The following HAPSTR1 variants were observed in gnomAD, a reference collection of about 807,000 sequenced individuals.
HAPSTR1 encodes HUWE1 associated protein modifying stress responses, also known as HUWE1-associated protein modifying stress responses 1.
the HAPSTR1 span, chr16:9,092,197 G>T: frequency 1.3e-6 from 2 of 1,585,666 alleles, no homozygotes; most frequent in African/African-American, 1.3e-5. Context: ...CCGCCGCGCA[G>T]CCCGAGCACA....
At chr16:9,117,072 T>C in the HAPSTR1 span, 1 of 979,752 alleles carries the variant, frequency 1.0e-6, no homozygotes, top group Non-Finnish European at 1.5e-6. Context: ...TAGGTATTTA[T>C]AGTAGATGCC....
chr16:9,117,445 G>A, the HAPSTR1 span: 1 of 153,690 alleles, frequency 6.5e-6, no homozygotes, highest in South Asian at 2.0e-4. Context: ...CCTGTTTTTA[G>A]TTTTCAAATC....
At chr16:9,117,688 G>A in the HAPSTR1 span, 1 of 152,488 alleles carries the variant, frequency 6.6e-6, no homozygotes, top group Non-Finnish European at 1.5e-5. Flanking sequence ...TATGGTAAAT[G>A]TAAACATGTA....
chr16:9,112,025 T>G, the HAPSTR1 span: 2 of 152,356 alleles, frequency 1.3e-5, 1 homozygote, highest in South Asian at 4.1e-4. Context: ...AATGTTTTCT[T>G]GGTGTGACAC....
At chr16:9,113,859 G>A in the HAPSTR1 span, among the ~76,000 whole-genome samples, 1 of 152,152 alleles carries the variant, frequency 6.6e-6, no homozygotes. Flanking sequence ...AAACTTGATG[G>A]CAATGATTTA....
chr16:9,096,793 CAGG>C, the HAPSTR1 span, among the ~76,000 whole-genome samples: 1 of 151,952 alleles, frequency 6.6e-6, no homozygotes, highest in Non-Finnish European at 1.5e-5. Context: ...GAGGCTGAGG[CAGG>C]AGGATTGCTT....
chr16:9,119,736 T>C, the HAPSTR1 span: 1 of 152,242 alleles, frequency 6.6e-6, no homozygotes, highest in South Asian at 2.1e-4. Context: ...TCATCACATC[T>C]GAATAACTTT....
the HAPSTR1 span, chr16:9,102,866 G>A: frequency 7.2e-6 from 7 of 974,820 alleles, no homozygotes; most frequent in African/African-American, 8.2e-5. Context: ...ATTACTGATG[G>A]GCTCAGAGGC....
chr16:9,098,111 A>G, the HAPSTR1 span, among the ~76,000 whole-genome samples: 1 of 152,194 alleles, frequency 6.6e-6, no homozygotes, highest in Non-Finnish European at 1.5e-5. Context: ...CGGAAGGATC[A>G]TTTGAGGTCG....
At chr16:9,101,854 G>A in the HAPSTR1 span, among the ~76,000 whole-genome samples, 1 of 152,284 alleles carries the variant, frequency 6.6e-6, no homozygotes, top group Non-Finnish European at 1.5e-5. Flanking sequence ...GGTTGCAGTG[G>A]CTCACGCCTG....
At chr16:9,109,792 CTTTTTT>C in the HAPSTR1 span, 4 of 150,426 alleles carry the variant, frequency 2.7e-5, no homozygotes, top group South Asian at 8.5e-4. Flanking sequence ...GGAAAAAAAA[CTTTTTT>C]TTTTAAGCAG....
the HAPSTR1 span, among the ~76,000 whole-genome samples, chr16:9,093,294 C>G: frequency 1.3e-5 from 2 of 152,088 alleles, no homozygotes; most frequent in Non-Finnish European, 2.9e-5. Flanking sequence ...CCTGCAGTGC[C>G]CAAGATAACC....
the HAPSTR1 span, among the ~76,000 whole-genome samples, chr16:9,115,240 C>A: frequency 6.6e-6 from 1 of 152,198 alleles, no homozygotes; most frequent in African/African-American, 2.4e-5. Context: ...GACTTTTCAA[C>A]TTAAAATTCA....
At chr16:9,091,876 C>A in the HAPSTR1 span, 3 of 462,136 alleles carry the variant, frequency 6.5e-6, no homozygotes, top group South Asian at 9.9e-5. Flanking sequence ...GGCCGCGGGG[C>A]GGGGCTCGCC....
chr16:9,091,919 A>C, the HAPSTR1 span: 1 of 787,284 alleles, frequency 1.3e-6, no homozygotes, highest in Non-Finnish European at 1.8e-6. Context: ...TGGGCCGCTG[A>C]AAGGAGAAGG....
the HAPSTR1 span, chr16:9,091,741 G>C: frequency 2.3e-5 from 9 of 399,208 alleles, no homozygotes; most frequent in Admixed American, 8.8e-5. Context: ...CAGCGCCATG[G>C]GGGGGCGTTA....
At chr16:9,098,947 A>G in the HAPSTR1 span, among the ~76,000 whole-genome samples, 1 of 152,154 alleles carries the variant, frequency 6.6e-6, no homozygotes. Flanking sequence ...CACATGAATC[A>G]ATGTGTATCA....
the HAPSTR1 span, chr16:9,112,825 T>A: frequency 2.0e-5 from 3 of 152,236 alleles, no homozygotes; most frequent in Non-Finnish European, 4.4e-5. Flanking sequence ...CCTGGACTAA[T>A]CATTTAAAAT....
At chr16:9,092,403 C>A in the HAPSTR1 span, 2 of 772,692 alleles carry the variant, frequency 2.6e-6, no homozygotes, top group Middle Eastern at 4.7e-4. Context: ...GGTGGCTCCG[C>A]GGCCCTGCCG....
Sources: gnomAD v4.1 joint callset for allele counts (sites outside exome capture counted in the v4.1 genomes callset) on GRCh38, gnomAD v4.1.1 for gene constraint, MANE v1.5 for transcripts, NCBI Gene and HGNC (gene_info 2026-07-23, HGNC 2026-07-21) for gene names.